Variants in TYK2 observed in about 807,000 individuals in gnomAD.
TYK2 encodes tyrosine kinase 2.
A neutral mutation model predicts 130.9 loss-of-function variants in TYK2; 65 were observed. The ratio of observed to expected loss-of-function variants is 0.50; its 90% CI spans 0.41 to 0.61. TYK2 has a LOEUF of 0.61. Among genes scored for constraint, TYK2 ranks in the 20% least tolerant of loss-of-function variants. TYK2 has a pLI of 0.00. For missense variants in TYK2, 1,378 were observed against 1,610.7 expected, an observed-to-expected ratio of 0.86 and a Z score of 2.47; for synonymous variants, 647 against 658.9, an observed-to-expected ratio of 0.98 and a Z score of 0.28.
chr19:10,379,982 A>C (rs2042308554), intron 1 of TYK2, among the ~76,000 whole-genome samples: 1 of 152,052 alleles, frequency 6.6e-6, no homozygotes, highest in Admixed American at 6.6e-5. Context: ...CCAGGGCCTG[A>C]GCCTCCTGAG....
chr19:10,354,353 T>G lies in TYK2; in HGVS notation c.2716-119A>C. On this transcript the variant is annotated intron_variant, in intron 19 of 24. Transcript: ENST00000525621. ...CTTTCGGAATACCCCAGGCCCCGCC[T>G]ACTCCGCTCTATTAAGACTCCTTGG... The G allele has an allele frequency of 3.6e-6, 5 of 1,376,654 alleles. No homozygotes were observed. In the South Asian group the frequency reaches 6.0e-5, roughly 16 times the overall value. The allele number at this position is 1,376,654 out of a possible 1,614,324, so 85.3% of individuals were successfully genotyped here.
At chr19:10,377,636 A>C (rs1436924664) in intron 3 of TYK2, among the ~76,000 whole-genome samples, 1 of 24,068 alleles carries the variant, frequency 4.2e-5, no homozygotes, top group African/African-American at 1.9e-4. Flanking sequence ...GGGTGGGTGG[A>C]TGGATGGGTG....
At chr19:10,365,082 AGG>A in intron 7 of TYK2, 34 bp from the exon 8 acceptor site, 1 of 1,574,952 alleles carries the variant, frequency 6.3e-7, no homozygotes, top group Non-Finnish European at 8.6e-7. Context: ...GAGGATGGAG[AGG>A]GCAATGCCCG....
intron 22 of TYK2, among the ~76,000 whole-genome samples, 180 bp from the exon 23 acceptor site, chr19:10,352,731 G>A (rs947615288): frequency 6.6e-6 from 1 of 152,108 alleles, no homozygotes; most frequent in Non-Finnish European, 1.5e-5. Context: ...GGCTAGGCCG[G>A]GTTAACCCCG....
At chr19:10,354,436 G>C in intron 19 of TYK2, 76 bp downstream of exon 19, 1 of 1,470,282 alleles carries the variant, frequency 6.8e-7, no homozygotes, top group Non-Finnish European at 9.5e-7. Context: ...AATCACCTTA[G>C]GTAGGAATTT....
In TYK2 at chr19:10,365,048, C is replaced by T. The variant is rs1280660239; in HGVS notation, c.1012G>A (p.Gly338Ser). The change falls in exon 8 of 25, where the codon GGT becomes AGT. Residue 338 changes from glycine to serine, a missense_variant and splice_region_variant. Transcript: ENST00000525621. The part of the protein sequence containing the change: ...PVEEEVNKEE[G>S]SSGSSGRNPQ... ...TTCCTGCCACTGCTGCCACTAGAAC[C>T]CTGAACACCCAGCAAGTGGGGCAGA... 2 of 1,603,378 alleles carry T rather than the reference C, an allele frequency of 1.2e-6. No individual in the cohort carries two copies. The highest frequency in any genetic ancestry group is 1.1e-5 in the South Asian group (1 of 89,908).
Position 10,353,592 on chromosome 19 carries a change from T to C in TYK2, c.2963A>G (p.Asp988Gly). The change falls in exon 21 of 25, where the codon GAC becomes GGC. Residue 988 changes from aspartate to glycine, a missense_variant. Asp to Gly is a moderately conservative substitution (Grantham distance 94). Transcript: ENST00000525621. The surrounding 1 kb of genome is among the most constrained non-coding windows in gnomAD (Gnocchi z 6.9). ...MEYVPLGSLR[D>G]YLPRHSIGLA... ...CCCGATGCTGTGCCGGGGCAGGTAG[T>C]CTCGGAGGCTGCCCAGGGGCACGTA... The C allele has an allele frequency of 6.7e-7, 1 of 1,484,012 alleles. No individual in the cohort carries two copies. Among genetic ancestry groups the C allele is most frequent in the Admixed American group, 2.3e-5 (1 of 43,054 alleles). The allele number at this position is 1,484,012 out of a possible 1,614,324, so 91.9% of individuals were successfully genotyped here.
rs1410050067 is a variant in TYK2 at position 10,350,983 on chromosome 19, C to A, written c.3430-15G>T. ...AGATGATAGACCTAGAAGGAAAAAC[C>A]AGGGCTGGTGGGGGCTGCCCTCTCC... On this transcript the variant is annotated splice_polypyrimidine_tract_variant and intron_variant, in intron 24 of 24. Transcript: ENST00000525621. 1.2e-6 allele frequency: 2 copies of A among 1,614,132 alleles called. No homozygotes were observed. The highest frequency in any genetic ancestry group is 1.7e-6 in the Non-Finnish European group (2 of 1,180,022).
chr19:10,359,285 A>T lies in TYK2; in HGVS notation c.2065T>A (p.Tyr689Asn). Reference sequence around the variant, plus strand: ...ACATCCAGGGGTCCGTGCTCCACGTACTCTGTCACCATGATATCTGTAAAG... The same window carrying T: ...ACATCCAGGGGTCCGTGCTCCACGTTCTCTGTCACCATGATATCTGTAAAG... ...RGPENIMVTE[Y>N]VEHGPLDVWL... Residue 689 changes from tyrosine to asparagine, a missense_variant, in exon 15 of 25, where the codon TAC becomes AAC. By Grantham distance (143) the Tyr-to-Asn change is moderately radical (BLOSUM62 -2). Transcript: ENST00000525621. 1 of 1,611,468 alleles carries T rather than the reference A, an allele frequency of 6.2e-7. No individual in the cohort carries two copies. Among genetic ancestry groups the T allele is most frequent in the Non-Finnish European group, 8.5e-7 (1 of 1,179,864 alleles).
chr19:10,356,784 C>T, intron 17 of TYK2, 66 bp from the exon 18 acceptor site: 1 of 1,530,700 alleles, frequency 6.5e-7, no homozygotes, highest in Non-Finnish European at 8.8e-7. Context: ...CCCCAAGAGG[C>T]AGAGTCAAGT....
At chr19:10,352,886 T>G (rs771851370) in intron 22 of TYK2, 40 bp downstream of exon 22, 8 of 1,546,386 alleles carry the variant, frequency 5.2e-6, no homozygotes, top group Middle Eastern at 1.8e-4. Context: ...CTGTTCCAAG[T>G]GACCCCAGCA....
intron 3 of TYK2, among the ~76,000 whole-genome samples, chr19:10,374,127 G>A (rs182196530): frequency 2.4e-4 from 36 of 152,178 alleles, no homozygotes; most frequent in East Asian, 2.1e-3. Flanking sequence ...TTAGCCAGGC[G>A]TGGTGGTGGG....
chr19:10,357,061 C>G, intron 17 of TYK2: 1 of 423,172 alleles, frequency 2.4e-6, no homozygotes, highest in South Asian at 2.3e-5. Flanking sequence ...CCCTTCCTAG[C>G]CAGGCTTGTT....
intron 3 of TYK2, among the ~76,000 whole-genome samples, chr19:10,372,485 T>TATATA (rs59201811): frequency 3.8e-4 from 15 of 39,460 alleles, no homozygotes; most frequent in South Asian, 1.7e-3. Flanking sequence ...TATATATATA[T>TATATA]TTTTTTTTTT....
chr19:10,365,769 C>T lies in TYK2; in HGVS notation c.759G>A (p.Gln253=), dbSNP rs2041632153. 1.9e-6 allele frequency: 3 copies of T among 1,612,716 alleles called. No homozygotes were observed. The South Asian group carries it at 3.3e-5, about 18-fold the overall frequency. ...TGGCTAGGTATTTGACCATGACCAT[C>T]TGCTGGGAGAGTCGGCCCGGCTGGA... is the stretch of plus-strand genomic sequence containing the variant. ...RDFQPGRLSQ[Q]MVMVKYLATL... Residue 253 remains glutamine (Q), a synonymous_variant, in exon 7 of 25, where the codon CAG becomes CAA. Coordinates refer to ENST00000525621, the MANE Select transcript of TYK2 (RefSeq NM_003331.5).
chr19:10,369,893 A>T (rs776815104), intron 3 of TYK2: 15 of 339,820 alleles, frequency 4.4e-5, no homozygotes, highest in South Asian at 3.0e-4. Flanking sequence ...AAATACAAAA[A>T]ATTAGCCAGG....
chr19:10,369,969 AG>A, intron 3 of TYK2: 1 of 329,374 alleles, frequency 3.0e-6, no homozygotes, highest in South Asian at 2.2e-5. Context: ...GTGTGAATTC[AG>A]GAGGTGGAAC....
In TYK2 at chr19:10,358,002, C is replaced by A; in HGVS notation, c.2311+1G>T. The A allele has an allele frequency of 6.2e-7, 1 of 1,613,496 alleles. No homozygotes were observed. The highest frequency in any genetic ancestry group is 8.5e-7 in the Non-Finnish European group (1 of 1,180,022). Reference sequence around the variant, plus strand: ...GTGCCCAGGTCCCCTCAGGTACTCACCCTCCCTGGAGAGGGCGCCCAGGCC... The same window carrying A: ...GTGCCCAGGTCCCCTCAGGTACTCAACCTCCCTGGAGAGGGCGCCCAGGCC... On this transcript the variant is annotated splice_donor_variant, in intron 16 of 24. Transcript: ENST00000525621. LOFTEE classifies it high-confidence loss of function.
intron 5 of TYK2, among the ~76,000 whole-genome samples, 153 bp from the exon 6 acceptor site, chr19:10,366,733 T>TAAA (rs750662938): frequency 9.8e-6 from 1 of 101,906 alleles, no homozygotes. Context: ...GCTGATGAGC[T>TAAA]AAAAAAAAAA....
Sources: gnomAD v4.1 joint callset for allele counts (sites outside exome capture counted in the v4.1 genomes callset) on GRCh38, gnomAD v4.1.1 for gene constraint, Gnocchi (gnomAD v3.1) non-coding constraint, MANE v1.5 for transcripts, NCBI Gene and HGNC (gene_info 2026-07-23, HGNC 2026-07-21) for gene names.